The following GLI3 variants were observed in gnomAD, a reference collection of about 807,000 sequenced individuals.
GLI3 encodes the protein transcription activator GLI3.
Under a neutral mutation model 100.8 loss-of-function variants are expected in GLI3, and 20 were observed. That is an observed-to-expected ratio of 0.20 (90% CI 0.14 to 0.29). The LOEUF (loss-of-function observed/expected upper bound fraction) is 0.29. Ranked by LOEUF, GLI3 falls within the 10% of genes least tolerant of loss-of-function variation. GLI3 has a pLI of 1.00. For missense variants in GLI3, 2,040 were observed against 2,128.5 expected (o/e 0.96, Z 0.82); for synonymous variants, 938 against 860.5 (o/e 1.09, Z -1.58).
intron 10 of GLI3, among the ~76,000 whole-genome samples, chr7:41,986,766 A>G (rs1386572127): frequency 6.6e-6 from 1 of 151,992 alleles, no homozygotes; most frequent in Non-Finnish European, 1.5e-5. Flanking sequence ...CTTTGAGAAT[A>G]TATCAAAACA....
In GLI3 at chr7:42,172,207, T is replaced by TA. The variant is rs202077097; in HGVS notation, c.125-23740dup. On this transcript the variant is annotated intron_variant, in intron 2 of 14. Transcript: ENST00000395925. The stretch of plus-strand genomic sequence containing the variant: ...GTAGTTCTCTTCATAAGAGAAGTTT[T>TA]AAAAAAAAATCTTGAAGTTTTCACT... Among the ~76,000 whole-genome samples the TA allele has an allele frequency of 1.8e-3, 270 of 151,748 alleles. 1 individual carries two copies. The highest frequency in any genetic ancestry group is 3.1e-3 in the Non-Finnish European group (208 of 67,886).
chr7:41,968,584 C>A (rs1417885652), intron 13 of GLI3, among the ~76,000 whole-genome samples: 1 of 151,916 alleles, frequency 6.6e-6, no homozygotes, highest in Non-Finnish European at 1.5e-5. Flanking sequence ...TCCACATTTT[C>A]TTGCTTTTGT....
At chr7:42,055,966 G>A (rs1784451460) in intron 4 of GLI3, among the ~76,000 whole-genome samples, 1 of 152,100 alleles carries the variant, frequency 6.6e-6, no homozygotes, top group South Asian at 2.1e-4. Context: ...ATGGAGGCGG[G>A]TCTGTTCTCC....
Position 42,040,340 on chromosome 7 carries a change from T to C in GLI3, c.827-101A>G, listed in dbSNP as rs117042492. ...GTGGAAGAAGTGAAGGATAAGAAGC[T>C]GGCAACTTGCGGTGACAAGCACCTC... On this transcript the variant is annotated intron_variant, in intron 6 of 14. Transcript: ENST00000395925. The C allele has an allele frequency of 1.8e-3, 1,601 of 894,626 alleles. 8 individuals are homozygous for C. Among genetic ancestry groups the C allele is most frequent in the Non-Finnish European group, 2.5e-3 (1,328 of 540,824 alleles). The allele number at this position is 894,626 out of a possible 1,614,324, so 55.4% of individuals were successfully genotyped here.
chr7:42,232,872 A>G (rs1302414011), intron 1 of GLI3, among the ~76,000 whole-genome samples: 1 of 152,216 alleles, frequency 6.6e-6, no homozygotes, highest in African/African-American at 2.4e-5. Context: ...GGGTTGAAAT[A>G]TATACACACA....
intron 10 of GLI3, among the ~76,000 whole-genome samples, chr7:42,002,520 G>A (rs1401383787): frequency 1.3e-5 from 2 of 152,086 alleles, no homozygotes; most frequent in African/African-American, 4.8e-5. Context: ...GAAACAAGTA[G>A]AGACAAAATG....
intron 3 of GLI3, among the ~76,000 whole-genome samples, chr7:42,130,240 C>G (rs1786240374): frequency 6.6e-6 from 1 of 152,084 alleles, no homozygotes; most frequent in African/African-American, 2.4e-5. Context: ...TCAGGATGTT[C>G]CATCCATCCA....
At chr7:42,085,084 G>A (rs1046070244) in intron 3 of GLI3, among the ~76,000 whole-genome samples, 5 of 151,698 alleles carry the variant, frequency 3.3e-5, no homozygotes, top group African/African-American at 1.2e-4. Context: ...GCTAATTTTT[G>A]TATTTTTAGT....
chr7:42,238,619 G>A (rs941277334), upstream of GLI3, among the ~76,000 whole-genome samples: 1 of 152,206 alleles, frequency 6.6e-6, no homozygotes, highest in African/African-American at 2.4e-5. Context: ...GAGCTACAAA[G>A]TGTCTCTGTC....
intron 4 of GLI3, among the ~76,000 whole-genome samples, chr7:42,065,254 AT>A (rs1327964972): frequency 1.3e-5 from 2 of 150,384 alleles, no homozygotes; most frequent in Non-Finnish European, 3.0e-5. Flanking sequence ...TTAAATTATT[AT>A]TAAAACTGCT....
chr7:42,108,639 T>C (rs1785632714), intron 3 of GLI3, among the ~76,000 whole-genome samples: 1 of 152,136 alleles, frequency 6.6e-6, no homozygotes, highest in Non-Finnish European at 1.5e-5. Flanking sequence ...GTCTGACCAT[T>C]TCAAAGTAAG....
chr7:42,094,858 G>C (rs1785303973), intron 3 of GLI3, among the ~76,000 whole-genome samples: 1 of 152,178 alleles, frequency 6.6e-6, no homozygotes, highest in African/African-American at 2.4e-5. Flanking sequence ...AGCCCCAGAG[G>C]GGAAGGAAGC....
chr7:42,204,326 G>C (rs1454674079), intron 2 of GLI3, among the ~76,000 whole-genome samples: 2 of 151,054 alleles, frequency 1.3e-5, no homozygotes, highest in Non-Finnish European at 2.9e-5. Context: ...TGCTTCTACT[G>C]CTCTCTCAAC....
chr7:42,133,133 A>G (rs539222397), intron 3 of GLI3, among the ~76,000 whole-genome samples: 33 of 152,354 alleles, frequency 2.2e-4, no homozygotes, highest in African/African-American at 7.7e-4. Context: ...TTTGTTTAAT[A>G]AAAGTAAAAC....
chr7:42,239,007 T>A (rs75736387), upstream of GLI3, among the ~76,000 whole-genome samples: 1,614 of 152,234 alleles, frequency 0.011, 25 homozygotes, highest in African/African-American at 0.036. Flanking sequence ...AAATTGAGGG[T>A]GGTATTCATT....
chr7:42,020,875 G>A (rs986040921), intron 10 of GLI3, among the ~76,000 whole-genome samples: 34 of 138,890 alleles, frequency 2.4e-4, no homozygotes, highest in Non-Finnish European at 4.7e-4. Context: ...GGGCGACAGA[G>A]CGAGACTCCG....
At chr7:42,262,282 T>C (rs1240312109) in intron 1 of GLI3, among the ~76,000 whole-genome samples, 2 of 147,804 alleles carry the variant, frequency 1.4e-5, no homozygotes, top group South Asian at 2.2e-4. Flanking sequence ...CTTTCTTTCA[T>C]AGGGTCTCAC....
At chr7:42,234,760 C>T (rs914122864) in intron 1 of GLI3, among the ~76,000 whole-genome samples, 1 of 152,100 alleles carries the variant, frequency 6.6e-6, no homozygotes, top group African/African-American at 2.4e-5. Flanking sequence ...GCATCTTAAA[C>T]CAAAGCTTCC....
intron 2 of GLI3, among the ~76,000 whole-genome samples, chr7:42,153,801 T>A (rs1009754588): frequency 6.6e-6 from 1 of 152,134 alleles, no homozygotes; most frequent in Non-Finnish European, 1.5e-5. Flanking sequence ...CAAGCAAACA[T>A]CTTCCCCATC....
Sources: gnomAD v4.1 joint callset for allele counts (sites outside exome capture counted in the v4.1 genomes callset) on GRCh38, gnomAD v4.1.1 for gene constraint, MANE v1.5 for transcripts, NCBI Gene and HGNC (gene_info 2026-07-23, HGNC 2026-07-21) for gene names.